Variants in KIAA1217 observed in about 807,000 individuals in gnomAD.
KIAA1217 encodes sickle tail protein homolog.
Under a neutral mutation model 163.9 loss-of-function variants are expected in KIAA1217, and 88 were observed. That is an observed-to-expected ratio of 0.54 (90% CI 0.45 to 0.64). The LOEUF is 0.64. KIAA1217 is among the 30% of genes least tolerant of loss of function. The pLI, the probability that KIAA1217 is intolerant of heterozygous loss-of-function variation, is 0.00. For missense variants in KIAA1217, 2,372 were observed against 2,475.0 expected, an observed-to-expected ratio of 0.96 and a Z score of 0.88; for synonymous variants, 903 against 923.1, an observed-to-expected ratio of 0.98 and a Z score of 0.39.
chr10:23,895,911 A>G (rs1841667552), intron 1 of KIAA1217, among the ~76,000 whole-genome samples: 1 of 148,648 alleles, frequency 6.7e-6, no homozygotes, highest in African/African-American at 2.5e-5. Flanking sequence ...CAAACACCGC[A>G]TATTCTCACT....
chr10:23,940,677 G>A (rs984894677), intron 1 of KIAA1217, among the ~76,000 whole-genome samples: 1 of 151,988 alleles, frequency 6.6e-6, no homozygotes, highest in Non-Finnish European at 1.5e-5. Flanking sequence ...ACTAAGATAG[G>A]TCATATTTTG....
intron 2 of KIAA1217, among the ~76,000 whole-genome samples, chr10:24,266,664 T>C (rs1184705738): frequency 1.3e-5 from 2 of 151,840 alleles, no homozygotes; most frequent in Admixed American, 1.3e-4. Context: ...CTCTGTAAAA[T>C]GCACTAATCA....
intron 3 of KIAA1217, among the ~76,000 whole-genome samples, chr10:24,399,378 C>T (rs1164056324): frequency 1.3e-5 from 2 of 152,166 alleles, no homozygotes; most frequent in Non-Finnish European, 2.9e-5. Context: ...TTAACTCAAA[C>T]CTCATCTCTT....
At position 24,148,654 on chromosome 10, in the gene KIAA1217, G is replaced by A. The variant is rs543811576; in HGVS notation, c.-170-70972G>A. 4.6e-5 allele frequency among the ~76,000 whole-genome samples: 7 copies of A among 152,178 alleles called. No individual in the cohort carries two copies. In the South Asian group the frequency reaches 6.2e-4, roughly 14 times the overall value. On this transcript the variant is annotated intron_variant, in intron 2 of 18. Transcript: ENST00000376462. The stretch of plus-strand genomic sequence containing the variant: ...TATGCCGGCTTCCCCTGTGCCTTCC[G>A]CCTTGATTGTAAGCTTCCTGAGGCC...
chr10:23,863,600 T>G (rs1840055321), intron 1 of KIAA1217, among the ~76,000 whole-genome samples: 1 of 152,194 alleles, frequency 6.6e-6, no homozygotes, highest in Non-Finnish European at 1.5e-5. Context: ...GACACCTTGA[T>G]TTGTACTTGC....
At chr10:24,391,821 G>A (rs747994697) in intron 3 of KIAA1217, among the ~76,000 whole-genome samples, 7 of 152,166 alleles carry the variant, frequency 4.6e-5, no homozygotes, top group African/African-American at 7.2e-5. Context: ...CAGTCTTGGC[G>A]TTAAGTTAGA....
chr10:24,091,882 G>A lies in KIAA1217; in HGVS notation c.-171+84508G>A, dbSNP rs756252276. On this transcript the variant is annotated intron_variant, in intron 2 of 18. Transcript: ENST00000376462. Reference sequence around the variant, plus strand: ...TGGTTGGGGCCAAGAGTTTTTGCAGGCATGTAGTTTGAAAGGGCTGAACTT... The same window carrying A: ...TGGTTGGGGCCAAGAGTTTTTGCAGACATGTAGTTTGAAAGGGCTGAACTT... Among the ~76,000 whole-genome samples the A allele has an allele frequency of 1.3e-5, 2 of 151,710 alleles. 1 individual carries two copies. The highest frequency in any genetic ancestry group is 4.9e-5 in the African/African-American group (2 of 41,010).
chr10:23,861,810 C>A (rs1044839752), intron 1 of KIAA1217, among the ~76,000 whole-genome samples: 3 of 152,136 alleles, frequency 2.0e-5, no homozygotes, highest in Non-Finnish European at 4.4e-5. Flanking sequence ...GAAATGGATT[C>A]TTCCCCCAGA....
intron 2 of KIAA1217, among the ~76,000 whole-genome samples, chr10:24,193,035 G>C (rs2066800647): frequency 6.6e-6 from 1 of 152,126 alleles, no homozygotes; most frequent in Non-Finnish European, 1.5e-5. Context: ...TCCCATCTCA[G>C]CCTCCTGAGT....
intron 2 of KIAA1217, among the ~76,000 whole-genome samples, chr10:24,224,464 C>T (rs987918788): frequency 2.0e-5 from 3 of 151,934 alleles, no homozygotes; most frequent in Non-Finnish European, 4.4e-5. Context: ...TCAAGCCTCC[C>T]GAGTAGCTGG....
chr10:24,140,519 A>G (rs1295091569), intron 2 of KIAA1217, among the ~76,000 whole-genome samples: 1 of 152,202 alleles, frequency 6.6e-6, no homozygotes, highest in African/African-American at 2.4e-5. Context: ...TAACCCAGAC[A>G]GCTCCTAAGT....
intron 2 of KIAA1217, among the ~76,000 whole-genome samples, chr10:24,235,804 C>T (rs2072164032): frequency 6.6e-6 from 1 of 152,220 alleles, no homozygotes; most frequent in Non-Finnish European, 1.5e-5. Flanking sequence ...GGAGGATCTG[C>T]AGAAGGTCCG....
intron 1 of KIAA1217, among the ~76,000 whole-genome samples, chr10:23,853,874 T>C (rs1344029389): frequency 3.3e-5 from 5 of 152,196 alleles, no homozygotes; most frequent in Non-Finnish European, 1.5e-5. Flanking sequence ...CCTTTATCAT[T>C]TTTTATTGCA....
At chr10:24,248,853 A>G (rs1245905607) in intron 2 of KIAA1217, among the ~76,000 whole-genome samples, 1 of 152,156 alleles carries the variant, frequency 6.6e-6, no homozygotes, top group African/African-American at 2.4e-5. Flanking sequence ...GACTATTTAG[A>G]TTTGAAAAGA....
chr10:24,133,195 G>A lies in KIAA1217; in HGVS notation c.-170-86431G>A, dbSNP rs563575859. Among the ~76,000 whole-genome samples, 11 of 152,150 alleles carry A rather than the reference G, an allele frequency of 7.2e-5. No homozygotes were observed. The East Asian group carries it at 1.9e-3, about 27-fold the overall frequency. ...CTTAACAAGAATGAAAAGAGTAGGA[G>A]AATCTCTGAGGAACCCGCACAAAGT... On this transcript the variant is annotated intron_variant, in intron 2 of 18. Transcript: ENST00000376462.
chr10:23,877,561 G>A (rs982189499), intron 1 of KIAA1217: 10 of 151,954 alleles, frequency 6.6e-5, no homozygotes, highest in Admixed American at 5.9e-4. Context: ...GGTTAATGTA[G>A]TTTTGCCTTA....
chr10:24,389,258 G>A (rs1241652570), intron 3 of KIAA1217, among the ~76,000 whole-genome samples: 3 of 152,134 alleles, frequency 2.0e-5, no homozygotes, highest in Non-Finnish European at 4.4e-5. Context: ...GTAGGGACAT[G>A]GATGAAGCTG....
intron 2 of KIAA1217, among the ~76,000 whole-genome samples, chr10:24,305,530 T>C (rs978288238): frequency 6.6e-6 from 1 of 152,208 alleles, no homozygotes; most frequent in African/African-American, 2.4e-5. Flanking sequence ...GGGACTATTA[T>C]CATCCTTGCT....
chr10:24,088,623 A>C (rs1435048120), intron 2 of KIAA1217, among the ~76,000 whole-genome samples: 1 of 122,596 alleles, frequency 8.2e-6, no homozygotes, highest in African/African-American at 2.5e-5. Context: ...AAGGACATGA[A>C]CTTATCATTT....
Sources: allele counts gnomAD v4.1 joint callset (sites outside exome capture counted in the v4.1 genomes callset), GRCh38; gene constraint gnomAD v4.1.1; transcripts MANE v1.5; gene names NCBI Gene and HGNC (gene_info 2026-07-23, HGNC 2026-07-21).